The following MMP26 variants were observed in gnomAD, a reference collection of about 807,000 sequenced individuals.
The protein encoded by MMP26 is matrix metallopeptidase 26.
Under a neutral mutation model 31.0 loss-of-function variants are expected in MMP26, and 33 were observed. That is an observed-to-expected ratio of 1.06 (90% CI 0.81 to 1.42). The LOEUF is 1.42. Ranked by LOEUF, MMP26 falls within the 40% of genes most tolerant of loss-of-function variation. The probability of loss-of-function intolerance (pLI) is 0.00; values close to 1 mark genes in which losing one functional copy is unlikely to be tolerated. For missense variants in MMP26, 347 were observed against 316.1 expected (o/e 1.10, Z -0.74); for synonymous variants, 122 against 114.9 (o/e 1.06, Z -0.40).
chr11:4,953,203 T>C (rs1378645069), intron 2 of MMP26, among the ~76,000 whole-genome samples: 1 of 125,382 alleles, frequency 8.0e-6, no homozygotes, highest in African/African-American at 2.7e-5. Context: ...AAGAAAATTG[T>C]ATCCTACCAT....
intron 2 of MMP26, among the ~76,000 whole-genome samples, chr11:4,888,130 G>A (rs2066834141): frequency 6.6e-6 from 1 of 152,062 alleles, no homozygotes; most frequent in Non-Finnish European, 1.5e-5. Flanking sequence ...CTCAACTTAG[G>A]CAGTAAAACA....
intron 2 of MMP26, among the ~76,000 whole-genome samples, chr11:4,837,033 T>C (rs1849729050): frequency 6.6e-6 from 1 of 152,146 alleles, no homozygotes; most frequent in South Asian, 2.1e-4. Flanking sequence ...TAATACTACC[T>C]GTATTTGCTT....
intron 2 of MMP26, chr11:4,769,039 G>A (rs748134868): frequency 1.5e-5 from 23 of 1,537,778 alleles, no homozygotes; most frequent in Admixed American, 2.0e-5. Context: ...TTACACTGTC[G>A]ATGATGGGGT....
intron 2 of MMP26, among the ~76,000 whole-genome samples, chr11:4,927,896 A>G (rs1456486663): frequency 1.3e-5 from 2 of 152,062 alleles, no homozygotes; most frequent in Non-Finnish European, 2.9e-5. Flanking sequence ...TTAAGAGGGG[A>G]ATCTATCATC....
chr11:4,848,836 C>G, intron 2 of MMP26: 1 of 1,614,034 alleles, frequency 6.2e-7, no homozygotes, highest in Non-Finnish European at 8.5e-7. Context: ...ATGGACATGG[C>G]GAGCAAGACA....
intron 2 of MMP26, chr11:4,848,748 A>G: frequency 3.1e-6 from 5 of 1,614,004 alleles, no homozygotes; most frequent in Non-Finnish European, 4.2e-6. Flanking sequence ...AGAAATGGCC[A>G]GGCTGATTTT....
chr11:4,706,629 A>C (rs1046335901), intron 1 of MMP26, among the ~76,000 whole-genome samples: 13 of 151,506 alleles, frequency 8.6e-5, no homozygotes, highest in Admixed American at 8.5e-4. Context: ...AGAAAAGAAC[A>C]CTTAACATGA....
chr11:4,795,381 A>C lies in MMP26; in HGVS notation c.-145+28040A>C, dbSNP rs141073995. 405 of 152,284 alleles carry C rather than the reference A, an allele frequency of 2.7e-3. 2 individuals are homozygous for C. Among genetic ancestry groups the C allele is most frequent in the African/African-American group, 9.5e-3 (395 of 41,568 alleles). The allele number at this position is 152,284 out of a possible 1,614,324, so 9.4% of individuals were successfully genotyped here. A position where few individuals can be genotyped will look rare whatever the true frequency, so the allele number is the denominator to read the frequency against. On this transcript the variant is annotated intron_variant, in intron 2 of 7. Transcript: ENST00000380390. ...ATTTGGGGGAGAAACCTATCCTCTG[A>C]AGAGACCAACCAAGTAATAAACACA...
intron 1 of MMP26, among the ~76,000 whole-genome samples, chr11:4,742,859 T>C (rs1455515084): frequency 6.6e-6 from 1 of 152,170 alleles, no homozygotes; most frequent in African/African-American, 2.4e-5. Context: ...ATGTGGTTTA[T>C]GTGAATTATT....
At chr11:4,720,655 A>G (rs1206850821) in intron 1 of MMP26, among the ~76,000 whole-genome samples, 1 of 152,194 alleles carries the variant, frequency 6.6e-6, no homozygotes, top group Non-Finnish European at 1.5e-5. Context: ...ATTAAAAACT[A>G]TGATTTTGGT....
chr11:4,872,200 T>C (rs879722173), intron 2 of MMP26, among the ~76,000 whole-genome samples: 1 of 152,146 alleles, frequency 6.6e-6, no homozygotes, highest in Non-Finnish European at 1.5e-5. Context: ...TTGTTTATTA[T>C]TAAAGGACTA....
intron 2 of MMP26, among the ~76,000 whole-genome samples, chr11:4,806,506 T>G (rs1849272358): frequency 6.6e-6 from 1 of 152,208 alleles, no homozygotes; most frequent in Non-Finnish European, 1.5e-5. Context: ...TGATCTTTGT[T>G]GGTTTAAAGT....
intron 2 of MMP26, among the ~76,000 whole-genome samples, chr11:4,808,306 G>A (rs1849304999): frequency 6.6e-6 from 1 of 152,096 alleles, no homozygotes; most frequent in Non-Finnish European, 1.5e-5. Flanking sequence ...CCAGGTTGGG[G>A]AAAGCAGAGT....
chr11:4,978,566 C>T (rs570630490), intron 2 of MMP26, among the ~76,000 whole-genome samples: 11 of 152,088 alleles, frequency 7.2e-5, no homozygotes, highest in South Asian at 6.2e-4. Flanking sequence ...TAAATGGAAG[C>T]GATGTTTAGT....
intron 2 of MMP26, among the ~76,000 whole-genome samples, chr11:4,909,753 T>A (rs1850961121): frequency 6.6e-6 from 1 of 152,180 alleles, no homozygotes. Flanking sequence ...TTCTAAAATG[T>A]AAATTTAACC....
intron 2 of MMP26, among the ~76,000 whole-genome samples, chr11:4,959,138 T>G (rs1224175940): frequency 6.8e-6 from 1 of 146,168 alleles, no homozygotes; most frequent in Non-Finnish European, 1.5e-5. Flanking sequence ...CTCGGGAGGC[T>G]GAGGCAGGAG....
intron 2 of MMP26, among the ~76,000 whole-genome samples, chr11:4,845,484 G>C (rs1849854245): frequency 6.6e-6 from 1 of 152,012 alleles, no homozygotes; most frequent in Non-Finnish European, 1.5e-5. Context: ...AAACTTTGGG[G>C]AAACTACTAC....
At chr11:4,848,607 C>T (rs758672297) in intron 2 of MMP26, 4 of 1,607,190 alleles carry the variant, frequency 2.5e-6, no homozygotes, top group Admixed American at 1.7e-5. Flanking sequence ...GGCTGCACCC[C>T]AAGCTTCTGG....
intron 2 of MMP26, among the ~76,000 whole-genome samples, chr11:4,932,756 A>C (rs1368356654): frequency 6.6e-6 from 1 of 152,026 alleles, no homozygotes; most frequent in African/African-American, 2.4e-5. Context: ...TGGTCAAGAA[A>C]CCTAATTCTC....
Sources: gnomAD v4.1 joint callset for allele counts (sites outside exome capture counted in the v4.1 genomes callset) on GRCh38, gnomAD v4.1.1 for gene constraint, MANE v1.5 for transcripts, NCBI Gene and HGNC (gene_info 2026-07-23, HGNC 2026-07-21) for gene names.